The following MOXD1 variants were observed in gnomAD, a reference collection of about 807,000 sequenced individuals.
The protein encoded by MOXD1 is monooxygenase DBH like 1, also known as DBH-like monooxygenase protein 1.
Under a neutral mutation model 66.6 loss-of-function variants are expected in MOXD1, and 62 were observed. That is an observed-to-expected ratio of 0.93 (90% confidence interval 0.76 to 1.15). MOXD1 has a LOEUF of 1.15. MOXD1 is among the 50% of genes most tolerant of loss of function. The probability of loss-of-function intolerance (pLI) is 0.00; values close to 1 mark genes in which losing one functional copy is unlikely to be tolerated. For synonymous variants in MOXD1, 303 were observed against 281.9 expected, an observed-to-expected ratio of 1.07 and a Z score of -0.75; for missense variants, 847 against 754.6, an observed-to-expected ratio of 1.12 and a Z score of -1.44.
Position 132,401,307 on chromosome 6 carries a change from G to A in MOXD1, c.120C>T (p.Gly40=). The part of the protein sequence containing the change: ...LLDSEGKYWL[G]WSQRGSQIAF... ...CGATCTGGCTGCCCCGCTGGCTCCA[G>A]CCCAGCCAGTACTTGCCCTCCGAGT... is the stretch of plus-strand genomic sequence containing the variant. Residue 40 remains glycine (G), a synonymous_variant, in exon 1 of 12, where the codon GGC becomes GGT. Transcript: ENST00000367963. 1 of 1,594,732 alleles carries A rather than the reference G, an allele frequency of 6.3e-7. No homozygotes were observed. Among genetic ancestry groups the A allele is most frequent in the Non-Finnish European group, 8.5e-7 (1 of 1,175,790 alleles).
intron 1 of MOXD1, among the ~76,000 whole-genome samples, chr6:132,400,944 C>T (rs900729751): frequency 4.6e-5 from 7 of 152,236 alleles, no homozygotes; most frequent in Non-Finnish European, 8.8e-5. Context: ...GGAAACCTGC[C>T]TGGGGTCATC....
intron 7 of MOXD1, among the ~76,000 whole-genome samples, chr6:132,323,140 A>G (rs1440660402): frequency 2.0e-5 from 3 of 152,176 alleles, no homozygotes; most frequent in Non-Finnish European, 1.5e-5. Context: ...TTTTAGGAGG[A>G]TAAGAGGCAA....
At chr6:132,391,411 A>G (rs1776760835) in intron 1 of MOXD1, 1 of 152,204 alleles carries the variant, frequency 6.6e-6, no homozygotes, top group African/African-American at 2.4e-5. Context: ...ATTTTTGCGT[A>G]TATGCTATAT....
chr6:132,380,053 G>A (rs903531176), intron 1 of MOXD1, among the ~76,000 whole-genome samples: 1 of 152,084 alleles, frequency 6.6e-6, no homozygotes, highest in African/African-American at 2.4e-5. Flanking sequence ...TGCCCGGCCT[G>A]TAGTTTTCTT....
At chr6:132,324,482 C>T (rs1358862217) in intron 6 of MOXD1, among the ~76,000 whole-genome samples, 3 of 152,076 alleles carry the variant, frequency 2.0e-5, no homozygotes, top group African/African-American at 7.2e-5. Context: ...TATATTGTTT[C>T]GAGATGAAGT....
At chr6:132,348,031 G>A (rs185418467) in intron 4 of MOXD1, among the ~76,000 whole-genome samples, 113 of 152,216 alleles carry the variant, frequency 7.4e-4, no homozygotes, top group Non-Finnish European at 1.2e-3. Flanking sequence ...CTTCATGTCC[G>A]TGGGTGAATC....
At chr6:132,318,539 T>C (rs1468461311) in intron 9 of MOXD1, among the ~76,000 whole-genome samples, 12 of 152,082 alleles carry the variant, frequency 7.9e-5, no homozygotes, top group African/African-American at 2.7e-4. Context: ...TGTTACTGAC[T>C]TATGGACTTT....
At chr6:132,349,005 CG>C (rs1775727074) in intron 4 of MOXD1, among the ~76,000 whole-genome samples, 1 of 151,582 alleles carries the variant, frequency 6.6e-6, no homozygotes, top group Non-Finnish European at 1.5e-5. Context: ...CCAAGGGTTA[CG>C]GGGGCACAGG....
intron 1 of MOXD1, chr6:132,392,163 C>A (rs1776779266): frequency 2.6e-6 from 4 of 1,540,562 alleles, no homozygotes; most frequent in Non-Finnish European, 3.5e-6. Flanking sequence ...CATCGTTAAC[C>A]ACAAAGAATG....
At position 132,381,746 on chromosome 6, in the gene MOXD1, A is replaced by G. The variant is rs569288573; in HGVS notation, c.265-6969T>C. ...CATCCTCTAGGAAAAATACTAGAGAATGAAACAGACACAGTAAAACATTGA... is the reference window on the plus strand; with the variant it reads ...CATCCTCTAGGAAAAATACTAGAGAGTGAAACAGACACAGTAAAACATTGA... On this transcript the variant is annotated intron_variant, in intron 1 of 11. Transcript: ENST00000367963. Among the ~76,000 whole-genome samples, 3 of 152,324 alleles carry G rather than the reference A, an allele frequency of 2.0e-5. No individual in the cohort carries two copies. The South Asian group carries it at 6.2e-4, about 32-fold the overall frequency.
At chr6:132,338,596 C>T (rs184196609) in intron 4 of MOXD1, among the ~76,000 whole-genome samples, 10 of 152,256 alleles carry the variant, frequency 6.6e-5, no homozygotes, top group South Asian at 2.1e-4. Flanking sequence ...AGCCAACCCC[C>T]GACCCAGTGT....
intron 4 of MOXD1, among the ~76,000 whole-genome samples, chr6:132,351,564 A>G (rs1396188999): frequency 6.6e-6 from 1 of 152,024 alleles, no homozygotes; most frequent in Non-Finnish European, 1.5e-5. Flanking sequence ...TAGGGATTTT[A>G]GCATCTAAGT....
intron 4 of MOXD1, among the ~76,000 whole-genome samples, chr6:132,343,485 G>A (rs1259931185): frequency 1.3e-5 from 2 of 152,082 alleles, no homozygotes; most frequent in African/African-American, 4.8e-5. Context: ...TGAGGCAGGA[G>A]AGTCACTTGA....
chr6:132,297,274 T>C lies in MOXD1; in HGVS notation c.1721A>G (p.Tyr574Cys). Residue 574 changes from tyrosine (Y) to cysteine (C), a missense_variant, in exon 12 of 12, where the codon TAT (tyrosine) becomes TGT (cysteine). Physicochemically the swap from Tyr to Cys is radical, Grantham distance 194. Transcript: ENST00000367963. ...GCCACACACCAAAGGTTCTGCTTTA[T>C]AGGGTCTTTCTATATCTGGAGGTAA... Reference protein sequence around the residue: ...TALPPDIERPYKAEPLVCGTS... With the variant: ...TALPPDIERPCKAEPLVCGTS... The C allele has an allele frequency of 6.2e-7, 1 of 1,613,540 alleles. No individual in the cohort carries two copies. The highest frequency in any genetic ancestry group is 1.1e-5 in the South Asian group (1 of 91,036).
intron 6 of MOXD1, chr6:132,325,012 T>C (rs1263050486): frequency 6.6e-6 from 1 of 151,854 alleles, no homozygotes; most frequent in Admixed American, 6.6e-5. Flanking sequence ...CCATTACTTT[T>C]AATTTTTTTC....
At chr6:132,390,664 A>G (rs1480077770) in intron 1 of MOXD1, 1 of 151,586 alleles carries the variant, frequency 6.6e-6, no homozygotes, top group South Asian at 2.1e-4. Flanking sequence ...AAACAGTCAT[A>G]TGACAGCCAC....
At position 132,323,966 on chromosome 6, in the gene MOXD1, AC is replaced by A. The variant is rs1290836047; in HGVS notation, c.1077del (p.Gln359HisfsTer50). 1 of 1,613,698 alleles carries A rather than the reference AC, an allele frequency of 6.2e-7. No individual in the cohort carries two copies. Among genetic ancestry groups the A allele is most frequent in the Non-Finnish European group, 8.5e-7 (1 of 1,179,870 alleles). Reference protein sequence around the residue: ...HTIPPGMPEFQSEGHCTLECL... With the variant: ...HTIPPGMPEFXSEGHCTLECL... ...CACTCCAAAGTGCAGTGACCCTCAGACTGGAACTCAGGCATCCCTGGAGGGA... is the reference window on the plus strand; with the variant it reads ...CACTCCAAAGTGCAGTGACCCTCAGATGGAACTCAGGCATCCCTGGAGGGA... On this transcript the variant is annotated frameshift_variant, in exon 7 of 12. Transcript: ENST00000367963. LOFTEE classifies it high-confidence loss of function.
intron 4 of MOXD1, among the ~76,000 whole-genome samples, chr6:132,341,308 C>T (rs904643105): frequency 6.6e-6 from 1 of 152,168 alleles, no homozygotes; most frequent in Admixed American, 6.5e-5. Context: ...TAGCTTTCAC[C>T]AGACAGCAGA....
chr6:132,327,982 C>CAT, intron 6 of MOXD1, 31 bp downstream of exon 6: 1 of 1,560,084 alleles, frequency 6.4e-7, no homozygotes, highest in Non-Finnish European at 8.8e-7. Context: ...TTATAAAAAT[C>CAT]ATAGGTAAAA....
Sources: gnomAD v4.1 joint callset for allele counts (sites outside exome capture counted in the v4.1 genomes callset) on GRCh38, gnomAD v4.1.1 for gene constraint, MANE v1.5 for transcripts, NCBI Gene and HGNC (gene_info 2026-07-23, HGNC 2026-07-21) for gene names.